The following PTPRE variants were observed in gnomAD, a reference collection of about 807,000 sequenced individuals.
PTPRE encodes the protein receptor-type tyrosine-protein phosphatase epsilon.
In PTPRE, 51 loss-of-function variants were observed where a neutral mutation model predicts 102.0. That is an observed-to-expected ratio of 0.50 (90% CI 0.40 to 0.63). The LOEUF (loss-of-function observed/expected upper bound fraction) is 0.63, where lower values mean the gene tolerates loss of function less well. PTPRE is among the 30% of genes least tolerant of loss of function. The pLI is 0.00. For synonymous variants in PTPRE, 345 were observed against 348.2 expected, an observed-to-expected ratio of 0.99 and a Z score of 0.10; for missense variants, 752 against 915.1, an observed-to-expected ratio of 0.82 and a Z score of 2.30.
intron 1 of PTPRE, chr10:127,965,028 T>G (rs1850136700): frequency 2.2e-6 from 1 of 456,672 alleles, no homozygotes; most frequent in South Asian, 1.5e-5. Context: ...TTAAGCATCT[T>G]TTTTCCTAAT....
At chr10:127,943,889 G>A (rs147323146) in intron 1 of PTPRE, among the ~76,000 whole-genome samples, 1,873 of 152,298 alleles carry the variant, frequency 0.012, 21 homozygotes, top group Non-Finnish European at 0.02. Flanking sequence ...GCAGTATTGG[G>A]CATGGTGTAT....
At chr10:127,934,865 G>C (rs527430682) in intron 1 of PTPRE, 1 of 152,388 alleles carries the variant, frequency 6.6e-6, no homozygotes, top group Admixed American at 6.5e-5. Flanking sequence ...GCCTCAGGAG[G>C]TGGGTTCCCT....
intron 2 of PTPRE, among the ~76,000 whole-genome samples, chr10:128,025,187 G>GA (rs1846207855): frequency 8.1e-6 from 1 of 124,052 alleles, no homozygotes; most frequent in Admixed American, 7.8e-5. Context: ...AAAAAGAACA[G>GA]AAAAAAGCAC....
intron 1 of PTPRE, among the ~76,000 whole-genome samples, chr10:127,908,821 G>A (rs11591802): frequency 0.21 from 32,383 of 152,078 alleles, 3,633 homozygotes; most frequent in African/African-American, 0.25. Context: ...CCCCCTCCCT[G>A]CCCCAACAGA....
At chr10:127,936,975 A>G (rs1415153118) in intron 1 of PTPRE, among the ~76,000 whole-genome samples, 2 of 152,192 alleles carry the variant, frequency 1.3e-5, no homozygotes, top group Non-Finnish European at 2.9e-5. Context: ...TGGCCTGTCT[A>G]GGAATCGATA....
At position 128,066,161 on chromosome 10, in the gene PTPRE, C is replaced by G. The variant is rs992013855; in HGVS notation, c.810C>G (p.Val270=). 3 of 1,614,058 alleles carry G rather than the reference C, an allele frequency of 1.9e-6. No homozygotes were observed. The highest frequency in any genetic ancestry group is 1.3e-5 in the African/African-American group (1 of 74,934). Residue 270 remains valine (V), a synonymous_variant, in exon 11 of 21, where the codon GTC becomes GTG. Transcript: ENST00000254667. ...RVCVEDCVVL[V]DYTIRKFCIQ... ...GCGTGGAGGACTGCGTGGTTTTGGT[C>G]GACTACACCATCCGGAAGTTCTGCA...
chr10:127,931,980 C>T (rs1298059254), intron 1 of PTPRE, among the ~76,000 whole-genome samples: 1 of 152,142 alleles, frequency 6.6e-6, no homozygotes, highest in African/African-American at 2.4e-5. Context: ...CAAGTTTTGA[C>T]TTAGTCATCA....
At chr10:127,941,113 A>G (rs1035283518) in intron 1 of PTPRE, among the ~76,000 whole-genome samples, 4 of 152,148 alleles carry the variant, frequency 2.6e-5, no homozygotes, top group South Asian at 2.1e-4. Context: ...TGGGATGGAG[A>G]AGAGCAGTGG....
chr10:128,066,147 T>C lies in PTPRE; in HGVS notation c.796T>C (p.Cys266Arg). The change falls in exon 11 of 21, where the codon TGC becomes CGC. Residue 266 changes from cysteine (C) to arginine (R), a missense_variant. This residue lies in a region of PTPRE where 636 missense variants were observed against 824.4 expected (regional missense o/e 0.77). Transcript: ENST00000254667. ...YGNIRVCVED[C>R]VVLVDYTIRK... ...AAACATCCGGGTGTGCGTGGAGGAC[T>C]GCGTGGTTTTGGTCGACTACACCAT... 2 of 1,614,230 alleles carry C rather than the reference T, an allele frequency of 1.2e-6. No individual in the cohort carries two copies. Among genetic ancestry groups the C allele is most frequent in the East Asian group, 4.5e-5 (2 of 44,886 alleles).
intron 1 of PTPRE, among the ~76,000 whole-genome samples, chr10:127,970,238 C>G (rs963711092): frequency 1.3e-5 from 2 of 152,202 alleles, no homozygotes; most frequent in African/African-American, 4.8e-5. Flanking sequence ...CCTTAGGAGA[C>G]TCCAGGGCCT....
At chr10:127,991,457 G>T (rs1011723325) in intron 2 of PTPRE, among the ~76,000 whole-genome samples, 1 of 152,202 alleles carries the variant, frequency 6.6e-6, no homozygotes, top group Admixed American at 6.5e-5. Flanking sequence ...AAGGAGGCAT[G>T]TTAATATCAC....
At chr10:127,998,914 G>A (rs1193931098) in intron 2 of PTPRE, 1 of 152,198 alleles carries the variant, frequency 6.6e-6, no homozygotes, top group African/African-American at 2.4e-5. Flanking sequence ...AGGAGCCTCA[G>A]TTTTTCAGAT....
chr10:128,028,501 A>C lies in PTPRE; in HGVS notation c.-7-12374A>C, dbSNP rs886510526. Among the ~76,000 whole-genome samples the C allele has an allele frequency of 6.6e-6, 1 of 152,124 alleles. No individual in the cohort carries two copies. The highest frequency in any genetic ancestry group is 1.5e-5 in the Non-Finnish European group (1 of 68,026). On this transcript the variant is annotated intron_variant, in intron 2 of 20. Transcript: ENST00000254667. The surrounding 1 kb of genome is among the most constrained non-coding windows in gnomAD (Gnocchi z 4.5). ...TTAGGAAAAATGGGGCAAAGGTGAG[A>C]TGGTACACAGCACACCTGGCCCTGG...
chr10:128,082,509 C>T (rs1210600430), intron 20 of PTPRE, among the ~76,000 whole-genome samples: 1 of 150,836 alleles, frequency 6.6e-6, no homozygotes, highest in Non-Finnish European at 1.5e-5. Context: ...AGCCATTGCA[C>T]CTGGCCTGGT....
chr10:128,000,384 T>G (rs1853748475), intron 2 of PTPRE, among the ~76,000 whole-genome samples: 1 of 152,214 alleles, frequency 6.6e-6, no homozygotes. Flanking sequence ...GGGAAATATT[T>G]TATATGGAAG....
At chr10:127,995,217 T>G (rs982931061) in intron 2 of PTPRE, among the ~76,000 whole-genome samples, 1 of 152,134 alleles carries the variant, frequency 6.6e-6, no homozygotes, top group Non-Finnish European at 1.5e-5. Context: ...ACATCTTTGT[T>G]CTCAGAGAGG....
At chr10:128,009,281 G>T (rs1844775757) in intron 2 of PTPRE, among the ~76,000 whole-genome samples, 1 of 152,202 alleles carries the variant, frequency 6.6e-6, no homozygotes, top group African/African-American at 2.4e-5. Flanking sequence ...TTCTCGTTTG[G>T]TTGCCTTTGA....
chr10:127,976,801 A>G (rs989033599), intron 1 of PTPRE, among the ~76,000 whole-genome samples: 1 of 152,154 alleles, frequency 6.6e-6, no homozygotes, highest in South Asian at 2.1e-4. Flanking sequence ...TAACAGCTTT[A>G]CTGTTGCCTG....
chr10:127,912,072 C>G (rs570401747), intron 1 of PTPRE, among the ~76,000 whole-genome samples: 3 of 152,104 alleles, frequency 2.0e-5, no homozygotes, highest in African/African-American at 7.2e-5. Flanking sequence ...ATGAAGGCAG[C>G]CTCCTTTTCT....
Sources: allele counts gnomAD v4.1 joint callset (sites outside exome capture counted in the v4.1 genomes callset), GRCh38; gene constraint gnomAD v4.1.1; regional missense constraint gnomAD v4.1.1; non-coding constraint Gnocchi (gnomAD v3.1); transcripts MANE v1.5; gene names NCBI Gene and HGNC (gene_info 2026-07-23, HGNC 2026-07-21).